OSR2: variants seen among roughly 807,000 people sequenced by gnomAD.
OSR2 encodes the protein odd-skipped related transciption factor 2, also known as protein odd-skipped-related 2.
In OSR2, 8 loss-of-function variants were observed where a neutral mutation model predicts 22.3. The ratio of observed to expected loss-of-function variants is 0.36; its 90% CI spans 0.21 to 0.65. OSR2 has a LOEUF of 0.65. OSR2 is among the 30% of genes least tolerant of loss of function. The probability of loss-of-function intolerance (pLI) is 0.66; values close to 1 mark genes in which losing one functional copy is unlikely to be tolerated. For missense variants in OSR2, 311 were observed against 413.4 expected (o/e 0.75, Z 2.15); for synonymous variants, 179 against 173.8 (o/e 1.03, Z -0.23).
At position 98,951,968 on chromosome 8, in the gene OSR2, T is replaced by A; in HGVS notation, c.*267T>A. 1 of 335,470 alleles carries A rather than the reference T, an allele frequency of 3.0e-6. No individual in the cohort carries two copies. The highest frequency in any genetic ancestry group is 5.4e-6 in the Non-Finnish European group (1 of 185,098). The allele number at this position is 335,470 out of a possible 1,614,324, so 20.8% of individuals were successfully genotyped here. A position where few individuals can be genotyped will look rare whatever the true frequency, so the allele number is the denominator to read the frequency against. On this transcript the variant is annotated 3_prime_UTR_variant, in exon 4 of 4. Coordinates refer to ENST00000297565, the MANE Select transcript of OSR2 (RefSeq NM_001142462.3). Reference sequence around the variant, plus strand: ...CATTTTAGAGCTCTGTACATAATGTTGTGGGTCTTTGTTTTGTTGTTTTGT... The same window carrying A: ...CATTTTAGAGCTCTGTACATAATGTAGTGGGTCTTTGTTTTGTTGTTTTGT...
chr8:98,949,075 C>T lies in OSR2; in HGVS notation c.123C>T (p.Tyr41=), dbSNP rs1207193686. 6.2e-7 allele frequency: 1 copy of T among 1,613,922 alleles called. No individual in the cohort carries two copies. Among genetic ancestry groups the T allele is most frequent in the Non-Finnish European group, 8.5e-7 (1 of 1,179,896 alleles). ...CGGTGGACCACCTGCAGGGCCTGTA[C>T]GGTCTCAGCGCGGTACAGACCATGC... is the stretch of plus-strand genomic sequence containing the variant. The part of the protein sequence containing the change: ...PATVDHLQGL[Y]GLSAVQTMHM... Residue 41 remains tyrosine (Y), a synonymous_variant, in exon 2 of 4, where the codon TAC becomes TAT. Transcript: ENST00000297565. This position sits in a 1 kb window ranked among gnomAD's most constrained non-coding sequence, Gnocchi z 5.9.
At chr8:98,950,837 CTT>C in intron 3 of OSR2, 82 bp downstream of exon 3, 3 of 870,348 alleles carry the variant, frequency 3.4e-6, no homozygotes, top group Non-Finnish European at 5.7e-6. Flanking sequence ...ATGGCAGACT[CTT>C]TCTCTTAAAA....
Position 98,949,576 on chromosome 8 carries a change from C to T in OSR2, c.624C>T (p.Ala208=). The T allele has an allele frequency of 1.2e-6, 2 of 1,611,894 alleles. No homozygotes were observed. Among genetic ancestry groups the T allele is most frequent in the Non-Finnish European group, 1.7e-6 (2 of 1,178,552 alleles). The change falls in exon 2 of 4, where the codon GCC becomes GCT. Residue 208 remains alanine (A), a synonymous_variant. Transcript: ENST00000297565. This position sits in a 1 kb window ranked among gnomAD's most constrained non-coding sequence, Gnocchi z 5.9. The part of the protein sequence containing the change: ...RPYTCDICHK[A]FRRQDHLRDH... The stretch of plus-strand genomic sequence containing the variant: ...ACACGTGTGACATCTGCCACAAGGC[C>T]TTCCGGAGGCAAGATCACCTGCGGG...
Position 98,948,293 on chromosome 8 carries a change from C to T in OSR2, c.-114-546C>T. 6.6e-7 allele frequency: 1 copy of T among 1,522,992 alleles called. No homozygotes were observed. Among genetic ancestry groups the T allele is most frequent in the East Asian group, 2.5e-5 (1 of 40,336 alleles). The allele number at this position is 1,522,992 out of a possible 1,614,324, so 94.3% of individuals were successfully genotyped here. ...AGCGCGCCGGCTTCGCTCTTGCACG[C>T]CGGCTTGCCATCCGGGTAAGCGCGG... On this transcript the variant is annotated intron_variant, in intron 1 of 3. Coordinates refer to ENST00000297565, the MANE Select transcript of OSR2 (RefSeq NM_001142462.3). This position sits in a 1 kb window ranked among gnomAD's most constrained non-coding sequence, Gnocchi z 6.0.
At position 98,948,374 on chromosome 8, in the gene OSR2, C is replaced by T; in HGVS notation, c.-114-465C>T. ...CAGCGCGTGGGATCTCACGACCCAT[C>T]CGTTAACCCACCGTTCCCAGGAGCT... On this transcript the variant is annotated intron_variant, in intron 1 of 3. Coordinates refer to ENST00000297565, the MANE Select transcript of OSR2 (RefSeq NM_001142462.3). The surrounding 1 kb of genome is among the most constrained non-coding windows in gnomAD (Gnocchi z 6.0). The T allele has an allele frequency of 1.3e-6, 2 of 1,493,456 alleles. No homozygotes were observed. The highest frequency in any genetic ancestry group is 2.5e-5 in the South Asian group (2 of 79,840). The allele number at this position is 1,493,456 out of a possible 1,614,324, so 92.5% of individuals were successfully genotyped here. A position where few individuals can be genotyped will look rare whatever the true frequency, so the allele number is the denominator to read the frequency against.
rs1439176742 is a variant in OSR2 at position 98,949,971 on chromosome 8, G to A, written c.656+363G>A. 6.6e-6 allele frequency among the ~76,000 whole-genome samples: 1 copy of A among 151,818 alleles called. No individual in the cohort carries two copies. Among genetic ancestry groups the A allele is most frequent in the Non-Finnish European group, 1.5e-5 (1 of 67,894 alleles). On this transcript the variant is annotated intron_variant, in intron 2 of 3. Transcript: ENST00000297565. This position sits in a 1 kb window ranked among gnomAD's most constrained non-coding sequence, Gnocchi z 5.9. ...GCTGCAGTCGGGCTACTTCTGTTGG[G>A]TTTCGTCCCTCCCCCCACCCCCCAC...
In OSR2 at chr8:98,949,538, G is replaced by A. The variant is rs574548072; in HGVS notation, c.586G>A (p.Asp196Asn). ...NLLIHERTHT[D>N]ERPYTCDICH... ...GCTCATCCATGAGAGGACCCACACG[G>A]ACGAGAGGCCGTACACGTGTGACAT... The change falls in exon 2 of 4, where the codon GAC (aspartate) becomes AAC (asparagine). Residue 196 changes from aspartate to asparagine, a missense_variant. Transcript: ENST00000297565. This position sits in a 1 kb window ranked among gnomAD's most constrained non-coding sequence, Gnocchi z 5.9. 4 of 1,614,146 alleles carry A rather than the reference G, an allele frequency of 2.5e-6. No homozygotes were observed. In the South Asian group the frequency reaches 4.4e-5, roughly 18 times the overall value.
At chr8:98,951,264 G>A (rs1408745293) in intron 3 of OSR2, among the ~76,000 whole-genome samples, 2 of 152,126 alleles carry the variant, frequency 1.3e-5, no homozygotes, top group Non-Finnish European at 1.5e-5. Context: ...TGAAGAGCTG[G>A]AAATCACAAA....
At position 98,948,279 on chromosome 8, in the gene OSR2, T is replaced by C; in HGVS notation, c.-114-560T>C. On this transcript the variant is annotated intron_variant, in intron 1 of 3. Transcript: ENST00000297565. This position sits in a 1 kb window ranked among gnomAD's most constrained non-coding sequence, Gnocchi z 6.0. Reference sequence around the variant, plus strand: ...GCCCAGGAGGATGAAGCGCGCCGGCTTCGCTCTTGCACGCCGGCTTGCCAT... The same window carrying C: ...GCCCAGGAGGATGAAGCGCGCCGGCCTCGCTCTTGCACGCCGGCTTGCCAT... 1 of 1,517,330 alleles carries C rather than the reference T, an allele frequency of 6.6e-7. No homozygotes were observed. The highest frequency in any genetic ancestry group is 1.4e-5 in the African/African-American group (1 of 72,456). 94.0% of individuals were successfully genotyped at this position (1,517,330 alleles called of 1,614,324 possible).
intron 1 of OSR2, among the ~76,000 whole-genome samples, chr8:98,945,698 A>G (rs1484017185): frequency 1.3e-5 from 2 of 152,240 alleles, no homozygotes; most frequent in African/African-American, 4.8e-5. Context: ...CTGAAGGGGC[A>G]GGAACTTCGC....
In OSR2 at chr8:98,948,100, A is replaced by T. The variant is rs1840663306; in HGVS notation, c.-114-739A>T. On this transcript the variant is annotated intron_variant, in intron 1 of 3. Transcript: ENST00000297565. The surrounding 1 kb of genome is among the most constrained non-coding windows in gnomAD (Gnocchi z 6.0). ...GGGAGGAGAGCCCGTGGATAGGAGGAGGGGGCGATTCTAGGCCGAATCCAG... is the reference window on the plus strand; with the variant it reads ...GGGAGGAGAGCCCGTGGATAGGAGGTGGGGGCGATTCTAGGCCGAATCCAG... The T allele has an allele frequency of 6.7e-6, 9 of 1,348,468 alleles. No homozygotes were observed. The highest frequency in any genetic ancestry group is 8.6e-6 in the Non-Finnish European group (9 of 1,052,558). 83.5% of individuals were successfully genotyped at this position (1,348,468 alleles called of 1,614,324 possible). A position where few individuals can be genotyped will look rare whatever the true frequency, so the allele number is the denominator to read the frequency against.
In OSR2 at chr8:98,948,120, A is replaced by G; in HGVS notation, c.-114-719A>G. On this transcript the variant is annotated intron_variant, in intron 1 of 3. Transcript: ENST00000297565. This position sits in a 1 kb window ranked among gnomAD's most constrained non-coding sequence, Gnocchi z 6.0. ...GGAGGAGGGGGCGATTCTAGGCCGAATCCAGCCCCTGAGGTGTCACTTTTC... is the reference window on the plus strand; with the variant it reads ...GGAGGAGGGGGCGATTCTAGGCCGAGTCCAGCCCCTGAGGTGTCACTTTTC... 1 of 1,375,442 alleles carries G rather than the reference A, an allele frequency of 7.3e-7. No individual in the cohort carries two copies. The highest frequency in any genetic ancestry group is 9.4e-7 in the Non-Finnish European group (1 of 1,068,230). 85.2% of individuals were successfully genotyped at this position (1,375,442 alleles called of 1,614,324 possible). A position where few individuals can be genotyped will look rare whatever the true frequency, so the allele number is the denominator to read the frequency against.
In OSR2 at chr8:98,948,297, C is replaced by T. The variant is rs1840670288; in HGVS notation, c.-114-542C>T. On this transcript the variant is annotated intron_variant, in intron 1 of 3. Transcript: ENST00000297565. The surrounding 1 kb of genome is among the most constrained non-coding windows in gnomAD (Gnocchi z 6.0). Reference sequence around the variant, plus strand: ...CGCCGGCTTCGCTCTTGCACGCCGGCTTGCCATCCGGGTAAGCGCGGGAAA... The same window carrying T: ...CGCCGGCTTCGCTCTTGCACGCCGGTTTGCCATCCGGGTAAGCGCGGGAAA... The T allele has an allele frequency of 6.6e-7, 1 of 1,523,470 alleles. No individual in the cohort carries two copies. The highest frequency in any genetic ancestry group is 2.5e-5 in the East Asian group (1 of 40,356). 94.4% of individuals were successfully genotyped at this position (1,523,470 alleles called of 1,614,324 possible). A position where few individuals can be genotyped will look rare whatever the true frequency, so the allele number is the denominator to read the frequency against.
intron 1 of OSR2, among the ~76,000 whole-genome samples, chr8:98,947,085 G>T (rs1414857451): frequency 2.0e-5 from 3 of 151,852 alleles, no homozygotes; most frequent in Non-Finnish European, 4.4e-5. Flanking sequence ...AATGAATCGT[G>T]ATTTGTGGTG....
At position 98,949,738 on chromosome 8, in the gene OSR2, C is replaced by T. The variant is rs545686617; in HGVS notation, c.656+130C>T. The T allele has an allele frequency of 1.2e-5, 13 of 1,077,904 alleles. No individual in the cohort carries two copies. The African/African-American group carries it at 1.8e-4, about 15-fold the overall frequency. 66.8% of individuals were successfully genotyped at this position (1,077,904 alleles called of 1,614,324 possible). A position where few individuals can be genotyped will look rare whatever the true frequency, so the allele number is the denominator to read the frequency against. On this transcript the variant is annotated intron_variant, in intron 2 of 3. Transcript: ENST00000297565. The surrounding 1 kb of genome is among the most constrained non-coding windows in gnomAD (Gnocchi z 5.9). ...AAAATACACCCTCAGTCACGCTCCT[C>T]AGCCCGGTTCAGCTAATTCCCAACA... is the stretch of plus-strand genomic sequence containing the variant.
At chr8:98,951,466 G>A in intron 3 of OSR2, 53 bp from the exon 4 acceptor site, 1 of 1,475,844 alleles carries the variant, frequency 6.8e-7, no homozygotes, top group South Asian at 1.3e-5. Context: ...TATTGAAAAG[G>A]GTGCAGTGGT....
intron 1 of OSR2, among the ~76,000 whole-genome samples, chr8:98,947,087 T>G (rs910620158): frequency 2.0e-5 from 3 of 151,706 alleles, no homozygotes; most frequent in African/African-American, 7.3e-5. Flanking sequence ...TGAATCGTGA[T>G]TTGTGGTGGG....
chr8:98,944,551 G>A lies in OSR2; in HGVS notation c.-387G>A, dbSNP rs1244193742. ...CCTCACCGGGAGTCGACAGCGAGAG[G>A]TTCGCCGAAGAGCGAGGTTCTGGGC... On this transcript the variant is annotated 5_prime_UTR_variant, in exon 1 of 4. Transcript: ENST00000297565. 2 of 152,304 alleles carry A rather than the reference G, an allele frequency of 1.3e-5. No individual in the cohort carries two copies. Among genetic ancestry groups the A allele is most frequent in the Non-Finnish European group, 2.9e-5 (2 of 68,108 alleles). The allele number at this position is 152,304 out of a possible 1,614,324, so 9.4% of individuals were successfully genotyped here.
In OSR2 at chr8:98,948,325, C is replaced by A. The variant is rs1587889391; in HGVS notation, c.-114-514C>A. On this transcript the variant is annotated intron_variant, in intron 1 of 3. Transcript: ENST00000297565. The surrounding 1 kb of genome is among the most constrained non-coding windows in gnomAD (Gnocchi z 6.0). ...GCCATCCGGGTAAGCGCGGGAAAGG[C>A]GGCCACAGGGCGCGGCGGCAGCGCA... is the stretch of plus-strand genomic sequence containing the variant. 1.3e-6 allele frequency: 2 copies of A among 1,523,608 alleles called. No homozygotes were observed. The highest frequency in any genetic ancestry group is 8.8e-7 in the Non-Finnish European group (1 of 1,139,748). 94.4% of individuals were successfully genotyped at this position (1,523,608 alleles called of 1,614,324 possible). A position where few individuals can be genotyped will look rare whatever the true frequency, so the allele number is the denominator to read the frequency against.
Sources: gnomAD v4.1 joint callset for allele counts (sites outside exome capture counted in the v4.1 genomes callset) on GRCh38, gnomAD v4.1.1 for gene constraint, Gnocchi (gnomAD v3.1) non-coding constraint, MANE v1.5 for transcripts, NCBI Gene and HGNC (gene_info 2026-07-23, HGNC 2026-07-21) for gene names.